Variants in SLIT1 observed in about 807,000 individuals in gnomAD.
SLIT1 encodes the protein slit guidance ligand 1, also known as slit homolog 1 protein.
In SLIT1, 66 loss-of-function variants were observed where a neutral mutation model predicts 186.1. The observed-to-expected ratio is 0.35, with a 90% CI of 0.29 to 0.44. The LOEUF (loss-of-function observed/expected upper bound fraction) is 0.44. SLIT1 is among the 20% of genes least tolerant of loss of function. SLIT1 has a pLI of 1.00. For missense variants in SLIT1, 1,638 were observed against 2,037.4 expected, an observed-to-expected ratio of 0.80 and a Z score of 3.77; for synonymous variants, 761 against 833.8, an observed-to-expected ratio of 0.91 and a Z score of 1.50.
chr10:97,078,878 G>A (rs112745906), intron 4 of SLIT1, among the ~76,000 whole-genome samples: 46 of 152,318 alleles, frequency 3.0e-4, no homozygotes, highest in African/African-American at 8.4e-4. Flanking sequence ...GGAATGCACC[G>A]GGGAGTATGA....
chr10:97,021,249 C>G lies in SLIT1; in HGVS notation c.2746+1G>C. The G allele has an allele frequency of 6.2e-7, 1 of 1,613,550 alleles. No homozygotes were observed. ...GCAGGAGGCTGTGCTCCTAGGCTCA[C>G]CTTGGCATTCAAACTTCTTGGCAGG... On this transcript the variant is annotated splice_donor_variant, in intron 26 of 36. Transcript: ENST00000266058. LOFTEE classifies it high-confidence loss of function. This position sits in a 1 kb window ranked among gnomAD's most constrained non-coding sequence, Gnocchi z 4.5.
In SLIT1 at chr10:97,140,183, C is replaced by T. The variant is rs1589408185; in HGVS notation, c.413+17635G>A. Among the ~76,000 whole-genome samples the T allele has an allele frequency of 2.6e-5, 4 of 152,028 alleles. No homozygotes were observed. The South Asian group carries it at 8.3e-4, about 31-fold the overall frequency. ...TGTCTCCCTGCCAAGGCGGGTGTCT[C>T]GCCACCAGAATTTATGTGCCAGCGT... On this transcript the variant is annotated intron_variant, in intron 4 of 36. Coordinates refer to ENST00000266058, the MANE Select transcript of SLIT1 (RefSeq NM_003061.3).
chr10:97,084,695 T>G (rs1204455725), intron 4 of SLIT1, among the ~76,000 whole-genome samples: 1 of 152,010 alleles, frequency 6.6e-6, no homozygotes, highest in Non-Finnish European at 1.5e-5. Flanking sequence ...AATCTCCACC[T>G]CCTGAGTTCA....
At chr10:97,060,062 C>T (rs1430499785) in intron 10 of SLIT1, 25 bp downstream of exon 10, 2 of 1,590,746 alleles carry the variant, frequency 1.3e-6, no homozygotes, top group East Asian at 2.2e-5. Context: ...TACCAGCTCC[C>T]CAGGAAGCAG....
chr10:97,069,889 G>A (rs1171840300), intron 4 of SLIT1, among the ~76,000 whole-genome samples: 1 of 152,154 alleles, frequency 6.6e-6, no homozygotes, highest in Non-Finnish European at 1.5e-5. Context: ...CACATATGAT[G>A]GAAACGGTAA....
chr10:97,030,897 C>T (rs1261784697), intron 24 of SLIT1, 69 bp from the exon 25 acceptor site: 37 of 1,351,312 alleles, frequency 2.7e-5, no homozygotes, highest in Admixed American at 1.6e-4. Context: ...GAGGGAGAGG[C>T]CCAGCCCTCT....
intron 29 of SLIT1, 29 bp from the exon 30 acceptor site, chr10:97,013,863 G>C: frequency 1.3e-6 from 2 of 1,545,744 alleles, no homozygotes; most frequent in Non-Finnish European, 8.8e-7. Flanking sequence ...AGGGGCAGGA[G>C]AGAAGCTGCT....
At chr10:97,166,904 G>T (rs1161074277) in intron 1 of SLIT1, among the ~76,000 whole-genome samples, 1 of 152,182 alleles carries the variant, frequency 6.6e-6, no homozygotes, top group African/African-American at 2.4e-5. Flanking sequence ...TGACAGAACA[G>T]GAATCTGAAC....
At chr10:97,013,446 A>G (rs1848428334) in intron 30 of SLIT1, among the ~76,000 whole-genome samples, 1 of 152,130 alleles carries the variant, frequency 6.6e-6, no homozygotes, top group African/African-American at 2.4e-5. Context: ...TACCCTTGCA[A>G]TCACCCCAGG....
At position 97,006,178 on chromosome 10, in the gene SLIT1, C is replaced by T. The variant is rs1288269656; in HGVS notation, c.3579+305G>A. Among the ~76,000 whole-genome samples, 1 of 152,152 alleles carries T rather than the reference C, an allele frequency of 6.6e-6. No homozygotes were observed. The highest frequency in any genetic ancestry group is 1.5e-5 in the Non-Finnish European group (1 of 68,034). On this transcript the variant is annotated intron_variant, in intron 32 of 36. Transcript: ENST00000266058. This position sits in a 1 kb window ranked among gnomAD's most constrained non-coding sequence, Gnocchi z 4.0. ...GAAAGCCTGTCTGCAGCACTGGAGG[C>T]AGACACTGAGGAGTAGCTGGGACAA...
chr10:97,063,007 G>A (rs950483700), intron 8 of SLIT1, among the ~76,000 whole-genome samples: 4 of 152,202 alleles, frequency 2.6e-5, no homozygotes, highest in Admixed American at 2.0e-4. Context: ...CAAGGCAGCA[G>A]AGGTGAGGCG....
chr10:97,096,537 G>A lies in SLIT1; in HGVS notation c.414-30451C>T, dbSNP rs572751173. The stretch of plus-strand genomic sequence containing the variant: ...TACACTCCCTCATGATTATCAGCTC[G>A]AAGCTTCCAGCAGCCAAGCTAAAAA... On this transcript the variant is annotated intron_variant, in intron 4 of 36. Coordinates refer to ENST00000266058, the MANE Select transcript of SLIT1 (RefSeq NM_003061.3). 9.2e-5 allele frequency among the ~76,000 whole-genome samples: 14 copies of A among 152,212 alleles called. No homozygotes were observed. In the East Asian group the frequency reaches 2.3e-3, roughly 25 times the overall value.
rs148613956 is a variant in SLIT1 at position 97,084,573 on chromosome 10, C to T, written c.414-18487G>A. On this transcript the variant is annotated intron_variant, in intron 4 of 36. Transcript: ENST00000266058. ...TCTTGCTATTTCTTTTCTTTTCTTT[C>T]CTTTTCTTTTATTTTCTTTTCTTCT... Among the ~76,000 whole-genome samples the T allele has an allele frequency of 5.8e-3, 858 of 147,766 alleles. 9 individuals are homozygous for T. Among genetic ancestry groups the T allele is most frequent in the African/African-American group, 0.02 (806 of 40,480 alleles).
At chr10:97,145,679 T>C (rs1345804134) in intron 4 of SLIT1, among the ~76,000 whole-genome samples, 1 of 152,148 alleles carries the variant, frequency 6.6e-6, no homozygotes, top group Non-Finnish European at 1.5e-5. Context: ...GATTAAGACT[T>C]GGGTATGGGG....
At chr10:97,041,279 C>T (rs1848688330) in intron 20 of SLIT1, among the ~76,000 whole-genome samples, 1 of 152,174 alleles carries the variant, frequency 6.6e-6, no homozygotes, top group African/African-American at 2.4e-5. Flanking sequence ...GGGCTGCTTA[C>T]ATCAATTGTG....
At chr10:97,141,730 C>CTGTATTGTATTGTAT (rs975160716) in intron 4 of SLIT1, among the ~76,000 whole-genome samples, 1 of 124,288 alleles carries the variant, frequency 8.0e-6, no homozygotes, top group Non-Finnish European at 1.7e-5. Context: ...TTGTATTGTA[C>CTGTATTGTATTGTAT]TGTATTGTAT....
At chr10:97,116,601 G>A (rs566423453) in intron 4 of SLIT1, among the ~76,000 whole-genome samples, 2 of 152,346 alleles carry the variant, frequency 1.3e-5, no homozygotes, top group South Asian at 2.1e-4. Context: ...AGGAGGCAGT[G>A]GGGCTGGGGG....
chr10:97,110,287 T>C (rs1461165490), intron 4 of SLIT1, among the ~76,000 whole-genome samples: 2 of 151,964 alleles, frequency 1.3e-5, no homozygotes, highest in African/African-American at 2.4e-5. Flanking sequence ...CCAAGTAGAG[T>C]TGATGCACGT....
intron 3 of SLIT1, among the ~76,000 whole-genome samples, chr10:97,159,272 G>A (rs1849995169): frequency 6.6e-6 from 1 of 152,136 alleles, no homozygotes; most frequent in South Asian, 2.1e-4. Flanking sequence ...CCACCACATT[G>A]GGCACCGCCA....
Sources: gnomAD v4.1 joint callset for allele counts (sites outside exome capture counted in the v4.1 genomes callset) on GRCh38, gnomAD v4.1.1 for gene constraint, Gnocchi (gnomAD v3.1) non-coding constraint, MANE v1.5 for transcripts, NCBI Gene and HGNC (gene_info 2026-07-23, HGNC 2026-07-21) for gene names.